TRHDE: variants seen among roughly 807,000 people sequenced by gnomAD.
The protein encoded by TRHDE is thyrotropin-releasing hormone-degrading ectoenzyme.
In TRHDE, 72 loss-of-function variants were observed where a neutral mutation model predicts 125.7. The observed-to-expected ratio is 0.57, with a 90% CI of 0.47 to 0.70. TRHDE has a LOEUF of 0.70. Ranked by LOEUF, TRHDE falls within the 30% of genes least tolerant of loss-of-function variation. The probability of loss-of-function intolerance (pLI) is 0.00; values close to 1 mark genes in which losing one functional copy is unlikely to be tolerated. For missense variants in TRHDE, 1,110 were observed against 1,327.1 expected (o/e 0.84, Z 2.54); for synonymous variants, 509 against 509.1 (o/e 1.00, Z 0.00).
intron 3 of TRHDE, among the ~76,000 whole-genome samples, chr12:72,455,429 GT>G (rs1348804009): frequency 6.6e-6 from 1 of 151,706 alleles, no homozygotes; most frequent in Non-Finnish European, 1.5e-5. Context: ...GATTTTGAAA[GT>G]TTTTTTTGTA....
intron 5 of TRHDE, among the ~76,000 whole-genome samples, chr12:72,493,045 CT>C (rs931705307): frequency 1.3e-4 from 19 of 151,948 alleles, no homozygotes; most frequent in Non-Finnish European, 2.5e-4. Context: ...ATTATGTCTC[CT>C]TTGCTTCTAA....
At chr12:72,097,440 A>AT (rs869290442) in intron 1 of TRHDE, among the ~76,000 whole-genome samples, 5,384 of 21,556 alleles carry the variant, frequency 0.25, 280 homozygotes, top group East Asian at 0.3. Context: ...TTCTCACTGA[A>AT]TTTTTTTTTT....
chr12:72,403,335 T>C (rs1873127035), intron 3 of TRHDE, among the ~76,000 whole-genome samples: 1 of 152,238 alleles, frequency 6.6e-6, no homozygotes, highest in Non-Finnish European at 1.5e-5. Flanking sequence ...TTTGTATTTA[T>C]TTTTCAGACA....
chr12:72,097,893 G>C (rs1458449291), intron 1 of TRHDE, among the ~76,000 whole-genome samples: 1 of 152,108 alleles, frequency 6.6e-6, no homozygotes, highest in African/African-American at 2.4e-5. Context: ...GCTTAAAAGA[G>C]TATTGGGCTG....
At chr12:72,481,545 A>G (rs1268297590) in intron 5 of TRHDE, among the ~76,000 whole-genome samples, 1 of 151,390 alleles carries the variant, frequency 6.6e-6, no homozygotes, top group African/African-American at 2.4e-5. Flanking sequence ...GGAGAATGTC[A>G]AATTTCTCTA....
rs59206098 is a variant in TRHDE at position 72,571,974 on chromosome 12, AACACACACACAC to A, written c.2132-3248_2132-3237del. On this transcript the variant is annotated intron_variant, in intron 10 of 18. Coordinates refer to ENST00000261180, the MANE Select transcript of TRHDE (RefSeq NM_013381.3). The stretch of plus-strand genomic sequence containing the variant: ...TTCCTACCGTTCCCCTGACTCTGCA[AACACACACACAC>A]ACACACACACACACACACACACACA... Among the ~76,000 whole-genome samples, 641 of 127,518 alleles carry A rather than the reference AACACACACACAC, an allele frequency of 5.0e-3. 3 individuals carry two copies. Among genetic ancestry groups the A allele is most frequent in the African/African-American group, 0.016 (563 of 35,832 alleles). 83.7% of individuals were successfully genotyped at this position (127,518 alleles called of 152,430 possible).
chr12:72,428,824 A>G (rs1874300772), intron 3 of TRHDE, among the ~76,000 whole-genome samples: 1 of 152,142 alleles, frequency 6.6e-6, no homozygotes, highest in Non-Finnish European at 1.5e-5. Flanking sequence ...TGCCTGTTAT[A>G]GACACTTTAT....
chr12:72,568,971 CAAAG>C (rs914069512), intron 10 of TRHDE, among the ~76,000 whole-genome samples: 15 of 152,162 alleles, frequency 9.9e-5, no homozygotes, highest in African/African-American at 3.6e-4. Flanking sequence ...ATTATAACCT[CAAAG>C]AGAAGAGTGT....
chr12:72,546,121 C>T (rs530079502), intron 7 of TRHDE, among the ~76,000 whole-genome samples: 10 of 151,772 alleles, frequency 6.6e-5, no homozygotes, highest in African/African-American at 2.4e-4. Flanking sequence ...TCATCCTACA[C>T]TTTCCTTGTC....
At chr12:72,147,940 A>G (rs1337377113) in intron 2 of TRHDE, 2 of 152,266 alleles carry the variant, frequency 1.3e-5, no homozygotes, top group African/African-American at 4.8e-5. Flanking sequence ...TCTAATGATT[A>G]CTACAAACTA....
intron 2 of TRHDE, among the ~76,000 whole-genome samples, chr12:72,324,572 G>A (rs1005641215): frequency 6.6e-6 from 1 of 152,236 alleles, no homozygotes; most frequent in Non-Finnish European, 1.5e-5. Context: ...AGCAAGGCTC[G>A]AGAGTTAGGC....
At position 72,298,267 on chromosome 12, in the gene TRHDE, A is replaced by G. The variant is rs188035478; in HGVS notation, c.1188+11313A>G. Among the ~76,000 whole-genome samples the G allele has an allele frequency of 2.0e-5, 3 of 152,162 alleles. No individual in the cohort carries two copies. In the East Asian group the frequency reaches 5.8e-4, roughly 29 times the overall value. ...TAGATTGCATGGTGCACAGCCAGTT[A>G]TTTTTTTCCTTCAGTAGAGAGGAAG... On this transcript the variant is annotated intron_variant, in intron 2 of 18. Coordinates refer to ENST00000261180, the MANE Select transcript of TRHDE (RefSeq NM_013381.3).
chr12:72,316,689 A>C (rs1868818416), intron 2 of TRHDE, among the ~76,000 whole-genome samples: 1 of 152,180 alleles, frequency 6.6e-6, no homozygotes, highest in African/African-American at 2.4e-5. Flanking sequence ...ATATGGCTCT[A>C]AAATTTATTC....
intron 5 of TRHDE, among the ~76,000 whole-genome samples, chr12:72,487,328 A>G (rs1877462843): frequency 6.6e-6 from 1 of 152,142 alleles, no homozygotes; most frequent in East Asian, 1.9e-4. Context: ...TGTATTCTCC[A>G]TGGACCATTT....
In TRHDE at chr12:72,243,852, A is replaced by T. The variant is rs143546238; in HGVS notation, n.280-134143A>T. On this transcript the variant is annotated intron_variant and non_coding_transcript_variant, in intron 2 of 4. Coordinates refer to the TRHDE transcript ENST00000548156. ...AAGCACTAAGTTGTTCTCAAATATG[A>T]CAGACCTGAAGCCTGGAATTATTGT... Among the ~76,000 whole-genome samples, 31 of 152,324 alleles carry T rather than the reference A, an allele frequency of 2.0e-4. No individual in the cohort carries two copies. In the East Asian group the frequency reaches 6.0e-3, roughly 29 times the overall value.
chr12:72,195,131 G>A (rs1877415107), intron 2 of TRHDE, among the ~76,000 whole-genome samples: 1 of 152,040 alleles, frequency 6.6e-6, no homozygotes, highest in Non-Finnish European at 1.5e-5. Context: ...GATCCTGTGA[G>A]AACTTGCTCA....
chr12:72,269,664 A>G (rs996623336), upstream of TRHDE, among the ~76,000 whole-genome samples: 1 of 152,206 alleles, frequency 6.6e-6, no homozygotes, highest in Non-Finnish European at 1.5e-5. Context: ...ACAGCAAGAC[A>G]GAAGGAATCT....
chr12:72,509,652 C>T (rs1878503159), intron 6 of TRHDE, among the ~76,000 whole-genome samples: 1 of 152,116 alleles, frequency 6.6e-6, no homozygotes, highest in African/African-American at 2.4e-5. Context: ...GTCTTTTTCC[C>T]ACTCATTTTT....
chr12:72,407,395 G>A (rs1224427211), intron 3 of TRHDE, among the ~76,000 whole-genome samples: 2 of 152,150 alleles, frequency 1.3e-5, no homozygotes, highest in African/African-American at 4.8e-5. Context: ...TGCACTTCCA[G>A]AGTCACAGCA....
Sources: allele counts gnomAD v4.1 joint callset (sites outside exome capture counted in the v4.1 genomes callset), GRCh38; gene constraint gnomAD v4.1.1; transcripts MANE v1.5; gene names NCBI Gene and HGNC (gene_info 2026-07-23, HGNC 2026-07-21).